The following TCF20 variants were observed in gnomAD, a reference collection of about 807,000 sequenced individuals.
The protein encoded by TCF20 is transcription factor 20.
A neutral mutation model predicts 148.6 loss-of-function variants in TCF20; 3 were observed. That is an observed-to-expected ratio of 0.02 (90% CI 0.01 to 0.05). The LOEUF (loss-of-function observed/expected upper bound fraction) is 0.05, where lower values mean the gene tolerates loss of function less well. Among genes scored for constraint, TCF20 ranks in the 10% least tolerant of loss-of-function variants. The pLI is 1.00. For synonymous variants in TCF20, 1,049 were observed against 909.5 expected, an observed-to-expected ratio of 1.15 and a Z score of -2.76; for missense variants, 2,350 against 2,429.3, an observed-to-expected ratio of 0.97 and a Z score of 0.69.
At chr22:42,199,145 T>C (rs1281765471) in intron 2 of TCF20, among the ~76,000 whole-genome samples, 2 of 152,202 alleles carry the variant, frequency 1.3e-5, no homozygotes, top group Non-Finnish European at 2.9e-5. Flanking sequence ...ACAGTTCCAT[T>C]AGTTTTACAA....
At chr22:42,188,665 C>G (rs528326255) in intron 2 of TCF20, among the ~76,000 whole-genome samples, 1 of 152,306 alleles carries the variant, frequency 6.6e-6, no homozygotes, top group South Asian at 2.1e-4. Flanking sequence ...ACTGTGTGAT[C>G]AAGGTGCCTT....
chr22:42,221,632 A>C (rs1601615732), intron 1 of TCF20, among the ~76,000 whole-genome samples: 1 of 152,154 alleles, frequency 6.6e-6, no homozygotes, highest in African/African-American at 2.4e-5. Context: ...AGAAATGCCC[A>C]AAGTCCAAAA....
intron 1 of TCF20, among the ~76,000 whole-genome samples, chr22:42,228,532 G>C (rs549280575): frequency 6.6e-6 from 1 of 152,200 alleles, no homozygotes; most frequent in South Asian, 2.1e-4. Flanking sequence ...TCTGAGCTTA[G>C]GCAGTGACTG....
chr22:42,255,689 G>C (rs1373140266), intron 1 of TCF20, among the ~76,000 whole-genome samples: 4 of 151,984 alleles, frequency 2.6e-5, no homozygotes. Flanking sequence ...CTAGGGCTTT[G>C]GGCATGAGAA....
intron 1 of TCF20, among the ~76,000 whole-genome samples, chr22:42,258,509 T>TG (rs1374613020): frequency 1.3e-5 from 2 of 152,226 alleles, no homozygotes; most frequent in Non-Finnish European, 2.9e-5. Flanking sequence ...TCCTGTGTGC[T>TG]GGCTCCTCAT....
At chr22:42,198,137 G>A (rs184638573) in intron 2 of TCF20, among the ~76,000 whole-genome samples, 25 of 152,196 alleles carry the variant, frequency 1.6e-4, no homozygotes, top group Non-Finnish European at 3.2e-4. Context: ...TTATACTCAC[G>A]CTAAACTAAG....
intron 1 of TCF20, among the ~76,000 whole-genome samples, chr22:42,308,496 T>G (rs1222218410): frequency 4.6e-5 from 7 of 151,742 alleles, no homozygotes; most frequent in African/African-American, 1.7e-4. Context: ...ATGAACAGAG[T>G]CTCAAGGAGG....
chr22:42,247,432 T>G (rs905686635), intron 1 of TCF20, among the ~76,000 whole-genome samples: 8 of 110,882 alleles, frequency 7.2e-5, no homozygotes, highest in African/African-American at 2.7e-4. Context: ...AGAGCGAGAC[T>G]CCATCTCAAA....
chr22:42,194,139 G>A (rs1937478312), intron 2 of TCF20, among the ~76,000 whole-genome samples: 1 of 152,158 alleles, frequency 6.6e-6, no homozygotes, highest in Non-Finnish European at 1.5e-5. Flanking sequence ...GAGTCTTTAT[G>A]TGGCTGGATC....
At chr22:42,307,795 C>T (rs1370196945) in intron 1 of TCF20, among the ~76,000 whole-genome samples, 2 of 152,226 alleles carry the variant, frequency 1.3e-5, no homozygotes, top group Admixed American at 6.5e-5. Flanking sequence ...TCGGTCTCTT[C>T]ACACTCTCCC....
chr22:42,178,109 T>C (rs556104927), intron 3 of TCF20, among the ~76,000 whole-genome samples: 4 of 152,298 alleles, frequency 2.6e-5, no homozygotes, highest in South Asian at 4.2e-4. Flanking sequence ...GACTGCTGAG[T>C]AGATGAAGGT....
intron 1 of TCF20, among the ~76,000 whole-genome samples, chr22:42,260,046 G>A (rs1442387364): frequency 1.3e-5 from 2 of 152,172 alleles, no homozygotes; most frequent in Non-Finnish European, 1.5e-5. Flanking sequence ...TGATGTAATG[G>A]GGCACTACTT....
chr22:42,255,082 G>A (rs1163723456), intron 1 of TCF20, among the ~76,000 whole-genome samples: 2 of 151,476 alleles, frequency 1.3e-5, no homozygotes, highest in Non-Finnish European at 2.9e-5. Context: ...CTCAACCTCC[G>A]TTATTCAGTT....
intron 1 of TCF20, among the ~76,000 whole-genome samples, chr22:42,252,500 G>A (rs1204840690): frequency 1.3e-5 from 2 of 152,036 alleles, no homozygotes; most frequent in Non-Finnish European, 2.9e-5. Flanking sequence ...TCGCCAGGCT[G>A]GAGTGCAGTG....
At chr22:42,184,098 C>T (rs1980694021) in intron 2 of TCF20, among the ~76,000 whole-genome samples, 1 of 152,004 alleles carries the variant, frequency 6.6e-6, no homozygotes, top group Admixed American at 6.6e-5. Context: ...AGATTTCTCC[C>T]TCAATTTGCC....
chr22:42,233,939 A>T (rs912086301), intron 1 of TCF20, among the ~76,000 whole-genome samples: 1 of 152,226 alleles, frequency 6.6e-6, no homozygotes, highest in Non-Finnish European at 1.5e-5. Flanking sequence ...GTAAGCAATG[A>T]GAATAAAAAG....
intron 3 of TCF20, among the ~76,000 whole-genome samples, chr22:42,175,336 G>A (rs1055077156): frequency 6.6e-6 from 1 of 151,938 alleles, no homozygotes; most frequent in Non-Finnish European, 1.5e-5. Context: ...TAGTTAACTG[G>A]TTAGCTCTCT....
chr22:42,241,063 C>T (rs1924357153), intron 1 of TCF20, among the ~76,000 whole-genome samples: 1 of 152,120 alleles, frequency 6.6e-6, no homozygotes, highest in African/African-American at 2.4e-5. Flanking sequence ...ACCATGTTGG[C>T]CAGGCTGGTC....
At chr22:42,206,095 G>A (rs1938365018) in intron 2 of TCF20, among the ~76,000 whole-genome samples, 1 of 152,100 alleles carries the variant, frequency 6.6e-6, no homozygotes, top group Admixed American at 6.6e-5. Flanking sequence ...TTGAGACACA[G>A]GATCTAGAGA....
Sources: gnomAD v4.1 joint callset for allele counts (sites outside exome capture counted in the v4.1 genomes callset) on GRCh38, gnomAD v4.1.1 for gene constraint, MANE v1.5 for transcripts, NCBI Gene and HGNC (gene_info 2026-07-23, HGNC 2026-07-21) for gene names.